The following OTOG variants were observed in gnomAD, a reference collection of about 807,000 sequenced individuals.
OTOG encodes otogelin.
A neutral mutation model predicts 313.8 loss-of-function variants in OTOG; 296 were observed. The ratio of observed to expected loss-of-function variants is 0.94; its 90% CI spans 0.86 to 1.04. OTOG has a LOEUF of 1.04. Among genes scored for constraint, OTOG ranks in the 50% least tolerant of loss-of-function variants. The pLI is 0.00. For synonymous variants in OTOG, 1,533 were observed against 1,554.9 expected (o/e 0.99, Z 0.33); for missense variants, 3,948 against 3,840.1 (o/e 1.03, Z -0.74).
chr11:17,587,715 G>T (rs1022371407), intron 24 of OTOG, among the ~76,000 whole-genome samples: 20 of 152,226 alleles, frequency 1.3e-4, no homozygotes, highest in African/African-American at 4.6e-4. Context: ...CAGAGCCCTG[G>T]CTGTCTGACC....
rs1167624462 is a variant in OTOG, at chr11:17,613,358, TTCCTTCCTTCCTTCCC to T, written c.6439-238_6439-223del. ...CTTCCTTCCTTCCTTCCTTCCTTCCTTCCTTCCTTCCTTCCCTCCTTCCTTCCTTCCTTCCTTCCTT... is the reference window on the plus strand; with the variant it reads ...CTTCCTTCCTTCCTTCCTTCCTTCCTTCCTTCCTTCCTTCCTTCCTTCCTT... On this transcript the variant is annotated intron_variant, in intron 38 of 55. Coordinates refer to ENST00000399397, the MANE Select transcript of OTOG (RefSeq NM_001292063.2). 6.7e-4 allele frequency among the ~76,000 whole-genome samples: 69 copies of T among 102,342 alleles called. 2 individuals are homozygous for T. Among genetic ancestry groups the T allele is most frequent in the African/African-American group, 1.9e-3 (55 of 28,290 alleles). The allele number at this position is 102,342 out of a possible 152,430, so 67.1% of individuals were successfully genotyped here. A position where few individuals can be genotyped will look rare whatever the true frequency, so the allele number is the denominator to read the frequency against.
In OTOG at chr11:17,574,777, CCT is replaced by C; in HGVS notation, c.2352_2353del (p.Cys785ProfsTer7). 19 of 1,550,728 alleles carry C rather than the reference CCT, an allele frequency of 1.2e-5. No individual in the cohort carries two copies. Among genetic ancestry groups the C allele is most frequent in the Non-Finnish European group, 1.7e-5 (19 of 1,147,004 alleles). On this transcript the variant is annotated frameshift_variant, in exon 20 of 56. Coordinates refer to ENST00000399397, the MANE Select transcript of OTOG (RefSeq NM_001292063.2). LOFTEE classifies it high-confidence loss of function. ...CCCTGCGTGGCCCCGTGTGGACGTACCTGCCAGGACCTGGCCAGCCCTGAGGC... is the reference window on the plus strand; with the variant it reads ...CCCTGCGTGGCCCCGTGTGGACGTACGCCAGGACCTGGCCAGCCCTGAGGC...
chr11:17,584,219 A>G (rs1206016191), intron 23 of OTOG, among the ~76,000 whole-genome samples: 3 of 152,182 alleles, frequency 2.0e-5, no homozygotes, highest in East Asian at 3.8e-4. Context: ...ATTCTTTAGA[A>G]TTTCAGTAAG....
intron 6 of OTOG, 104 bp downstream of exon 6, chr11:17,553,623 C>G: frequency 7.3e-6 from 8 of 1,095,752 alleles, no homozygotes; most frequent in Non-Finnish European, 9.4e-6. Flanking sequence ...TGGCACCTTC[C>G]TCCTTGCATC....
intron 39 of OTOG, among the ~76,000 whole-genome samples, chr11:17,615,926 CA>C (rs764503106): frequency 2.4e-3 from 357 of 146,428 alleles, no homozygotes; most frequent in African/African-American, 4.7e-3. Context: ...GAAACTGTCT[CA>C]AAAAAAAAAA....
Position 17,559,163 on chromosome 11 carries a change from T to A in OTOG, c.1213+2T>A, listed in dbSNP as rs980929339. On this transcript the variant is annotated splice_donor_variant, in intron 11 of 55. Transcript: ENST00000399397. LOFTEE classifies it high-confidence loss of function. ...GGAGGACCCAGCTCCGGCAATGCAGTAGGTGCAGCCCAGTAGTGGGGCAGG... is the reference window on the plus strand; with the variant it reads ...GGAGGACCCAGCTCCGGCAATGCAGAAGGTGCAGCCCAGTAGTGGGGCAGG... 6.5e-6 allele frequency: 10 copies of A among 1,535,308 alleles called. No homozygotes were observed. Among genetic ancestry groups the A allele is most frequent in the Non-Finnish European group, 8.7e-6 (10 of 1,145,254 alleles).
At chr11:17,552,528 C>G (rs1451229593) in intron 4 of OTOG, among the ~76,000 whole-genome samples, 3 of 39,260 alleles carry the variant, frequency 7.6e-5, no homozygotes, top group African/African-American at 3.0e-4. Context: ...CTGTTCCTAC[C>G]TCCCCCACCT....
At position 17,610,167 on chromosome 11, in the gene OTOG, C is replaced by G; in HGVS notation, c.4867C>G (p.Arg1623Gly). Residue 1623 changes from arginine to glycine, a missense_variant, in exon 36 of 56, where the codon CGA becomes GGA. By Grantham distance (125) the Arg-to-Gly change is moderately radical. Transcript: ENST00000399397. ...GCTCATGACCAAGGCTGTGACAGTCCGAGGCCATGGCTCCTTGCCTGTTAG... is the reference window on the plus strand; with the variant it reads ...GCTCATGACCAAGGCTGTGACAGTCGGAGGCCATGGCTCCTTGCCTGTTAG... ...FPLMTKAVTVRGHGSLPVRTT... is the reference protein window; with the variant it reads ...FPLMTKAVTVGGHGSLPVRTT... 6.4e-7 allele frequency: 1 copy of G among 1,550,628 alleles called. No individual in the cohort carries two copies. The highest frequency in any genetic ancestry group is 8.7e-7 in the Non-Finnish European group (1 of 1,146,978).
In OTOG at chr11:17,596,997, C is replaced by A. The variant is rs1224165066; in HGVS notation, c.3672C>A (p.Pro1224=). The change falls in exon 30 of 56, where the codon CCC becomes CCA. Residue 1224 remains proline, a synonymous_variant. Transcript: ENST00000399397. Reference sequence around the variant, plus strand: ...GGGTGGCTGTTGACTGGCGAACCCCCCGCCTCTGCCGTGAGTGTCCCAGAC... The same window carrying A: ...GGGTGGCTGTTGACTGGCGAACCCCACGCCTCTGCCGTGAGTGTCCCAGAC... ...QHGVAVDWRT[P]RLCPYDCDFF... is the part of the protein sequence containing the mutation. 1 of 1,549,400 alleles carries A rather than the reference C, an allele frequency of 6.5e-7. No homozygotes were observed. The highest frequency in any genetic ancestry group is 8.7e-7 in the Non-Finnish European group (1 of 1,146,516).
At chr11:17,555,983 A>T (rs1852050996) in intron 7 of OTOG, 86 bp downstream of exon 7, 1 of 1,082,278 alleles carries the variant, frequency 9.2e-7, no homozygotes, top group African/African-American at 1.6e-5. Flanking sequence ...TCTCAAGCCC[A>T]AAGGAAATTG....
chr11:17,548,007 G>GGGT lies in OTOG; in HGVS notation c.155+21_155+22insGTG. The GGGT allele has an allele frequency of 1.2e-6, 1 of 866,366 alleles. No homozygotes were observed. 53.7% of individuals were successfully genotyped at this position (866,366 alleles called of 1,614,324 possible). ...ACCCAGGTGAGTAGGTGTGAGCTGT[G>GGGT]GCGGCCCCACCCACAGCTCCCATCC... is the stretch of plus-strand genomic sequence containing the variant. On this transcript the variant is annotated intron_variant, in intron 2 of 55. Coordinates refer to ENST00000399397, the MANE Select transcript of OTOG (RefSeq NM_001292063.2).
In OTOG at chr11:17,605,956, A is replaced by T; in HGVS notation, c.3977A>T (p.Asp1326Val). ...SLELAKWQGRDTFQQHASFLL... is the reference protein window; with the variant it reads ...SLELAKWQGRVTFQQHASFLL... Reference sequence around the variant, plus strand: ...GAGCTGGCTAAGTGGCAGGGCCGTGACACCTTCCAACAGCATGCCTCCTTC... The same window carrying T: ...GAGCTGGCTAAGTGGCAGGGCCGTGTCACCTTCCAACAGCATGCCTCCTTC... The change falls in exon 33 of 56, where the codon GAC becomes GTC. Residue 1326 changes from aspartate to valine, a missense_variant. Asp to Val is a radical substitution (Grantham distance 152). Transcript: ENST00000399397. 1 of 1,550,568 alleles carries T rather than the reference A, an allele frequency of 6.4e-7. No homozygotes were observed. Among genetic ancestry groups the T allele is most frequent in the South Asian group, 1.2e-5 (1 of 84,062 alleles).
chr11:17,609,815 C>T lies in OTOG; in HGVS notation c.4515C>T (p.Leu1505=). The change falls in exon 36 of 56, where the codon CTC becomes CTT. Residue 1505 remains leucine, a synonymous_variant. Transcript: ENST00000399397. ...HRPALTPAAP[L]TTALNPPVTA... ...CAGCCCTCACCCCAGCTGCCCCACT[C>T]ACCACAGCCCTGAACCCACCAGTGA... 3 of 1,542,468 alleles carry T rather than the reference C, an allele frequency of 1.9e-6. No homozygotes were observed. The highest frequency in any genetic ancestry group is 2.6e-6 in the Non-Finnish European group (3 of 1,142,736).
In OTOG at chr11:17,578,442, G is replaced by A. The variant is rs1220491147; in HGVS notation, c.2675G>A (p.Arg892Lys). ...CTGCACACGGACCTGGAGCTGAGCA[G>A]GGAGAGGACGTGTGAGCAGCAACTG... The part of the protein sequence containing the change: ...SDLHTDLELS[R>K]ERTCEQQLLN... The change falls in exon 23 of 56, where the codon AGG becomes AAG. Residue 892 changes from arginine (R) to lysine (K), a missense_variant. Transcript: ENST00000399397. 3 of 1,541,688 alleles carry A rather than the reference G, an allele frequency of 1.9e-6. No individual in the cohort carries two copies. Among genetic ancestry groups the A allele is most frequent in the South Asian group, 2.4e-5 (2 of 84,050 alleles).
intron 7 of OTOG, 100 bp downstream of exon 7, chr11:17,555,997 T>C (rs906090897): frequency 1.0e-5 from 10 of 953,490 alleles, no homozygotes; most frequent in Admixed American, 2.2e-5. Context: ...GAAATTGTTT[T>C]CTGGGGACAA....
At chr11:17,600,335 A>T (rs1463436413) in intron 31 of OTOG, among the ~76,000 whole-genome samples, 2 of 152,164 alleles carry the variant, frequency 1.3e-5, no homozygotes, top group Non-Finnish European at 2.9e-5. Context: ...TTAGCACCGA[A>T]CTTCATCCAG....
intron 49 of OTOG, 92 bp from the exon 50 acceptor site, chr11:17,640,653 G>A (rs2133719225): frequency 7.5e-7 from 1 of 1,332,196 alleles, no homozygotes. Context: ...CACAGGGAGG[G>A]ACTGACGTAG....
At chr11:17,563,897 C>G (rs1049923187) in intron 15 of OTOG, among the ~76,000 whole-genome samples, 8 of 126,614 alleles carry the variant, frequency 6.3e-5, no homozygotes, top group African/African-American at 1.9e-4. Flanking sequence ...GAGGCTTCAT[C>G]ATGTGGCCCA....
intron 42 of OTOG, among the ~76,000 whole-genome samples, chr11:17,633,129 A>G (rs754023198): frequency 3.9e-5 from 6 of 152,232 alleles, no homozygotes; most frequent in Admixed American, 6.5e-5. Context: ...CAGAGATTCA[A>G]TTGGCCTGGG....
Sources: allele counts gnomAD v4.1 joint callset (sites outside exome capture counted in the v4.1 genomes callset), GRCh38; gene constraint gnomAD v4.1.1; transcripts MANE v1.5; gene names NCBI Gene and HGNC (gene_info 2026-07-23, HGNC 2026-07-21).